PDE4B: variants seen among roughly 807,000 people sequenced by gnomAD.
The protein encoded by PDE4B is phosphodiesterase 4B, also known as 3',5'-cyclic-AMP phosphodiesterase 4B.
PDE4B carries 20 observed loss-of-function variants against 82.2 expected under a neutral mutation model. The observed-to-expected ratio is 0.24, with a 90% CI of 0.17 to 0.35. PDE4B has a LOEUF of 0.35. PDE4B is among the 10% of genes least tolerant of loss of function. The pLI is 1.00. For missense variants in PDE4B, 655 were observed against 907.2 expected (o/e 0.72, Z 3.57); for synonymous variants, 320 against 318.9 (o/e 1.00, Z -0.04).
intron 1 of PDE4B, among the ~76,000 whole-genome samples, chr1:65,801,200 T>C (rs544432637): frequency 6.6e-6 from 1 of 152,254 alleles, no homozygotes; most frequent in East Asian, 1.9e-4. Flanking sequence ...GAGGAATAAA[T>C]CCATAGGCTT....
intron 3 of PDE4B, among the ~76,000 whole-genome samples, chr1:66,053,090 A>G (rs1655125638): frequency 6.6e-6 from 1 of 152,224 alleles, no homozygotes; most frequent in Admixed American, 6.5e-5. Flanking sequence ...TGGCCTGAAT[A>G]TATTCTGCAG....
intron 1 of PDE4B, among the ~76,000 whole-genome samples, chr1:65,860,667 T>C (rs980263493): frequency 6.6e-6 from 1 of 152,186 alleles, no homozygotes; most frequent in Non-Finnish European, 1.5e-5. Flanking sequence ...CCTCCAACAA[T>C]GTAAAAGCTT....
chr1:65,945,174 G>A (rs757631459), intron 3 of PDE4B, among the ~76,000 whole-genome samples: 73 of 151,940 alleles, frequency 4.8e-4, no homozygotes, highest in South Asian at 4.1e-4. Context: ...AAAGTATAGG[G>A]TTCCATGCTA....
chr1:65,809,332 CAAAAAAAAAAAAAAAAA>C lies in PDE4B; in HGVS notation c.-71+16098_-71+16114del, dbSNP rs11366228. ...GGTGACAGAGTGAGACTCCATCTCA[CAAAAAAAAAAAAAAAAA>C]AAAAAAAAAAAAATTGCAAAACGAA... On this transcript the variant is annotated intron_variant, in intron 1 of 16. Transcript: ENST00000341517. Among the ~76,000 whole-genome samples, 4 of 72,516 alleles carry C rather than the reference CAAAAAAAAAAAAAAAAA, an allele frequency of 5.5e-5. No individual in the cohort carries two copies. The South Asian group carries it at 2.6e-3, about 46-fold the overall frequency. 47.6% of individuals were successfully genotyped at this position (72,516 alleles called of 152,430 possible). A position where few individuals can be genotyped will look rare whatever the true frequency, so the allele number is the denominator to read the frequency against.
intron 3 of PDE4B, among the ~76,000 whole-genome samples, chr1:66,079,045 A>G (rs1656582621): frequency 6.6e-6 from 1 of 152,110 alleles, no homozygotes; most frequent in African/African-American, 2.4e-5. Flanking sequence ...TTGCCACCAG[A>G]GAGCCTGCAC....
intron 3 of PDE4B, among the ~76,000 whole-genome samples, chr1:66,181,648 G>T (rs932799023): frequency 2.2e-4 from 33 of 152,032 alleles, no homozygotes; most frequent in African/African-American, 6.5e-4. Flanking sequence ...ATTGACATTG[G>T]TGTTTTCACC....
At chr1:66,155,701 T>C (rs903273379) in intron 3 of PDE4B, among the ~76,000 whole-genome samples, 1 of 152,056 alleles carries the variant, frequency 6.6e-6, no homozygotes, top group African/African-American at 2.4e-5. Context: ...GTACTGGCAA[T>C]ACCATCATGA....
At chr1:65,972,360 G>A (rs1650188838) in intron 3 of PDE4B, among the ~76,000 whole-genome samples, 2 of 148,690 alleles carry the variant, frequency 1.3e-5, no homozygotes, top group Admixed American at 6.7e-5. Flanking sequence ...ATATTTTTTT[G>A]TCAATTGGGA....
intron 8 of PDE4B, among the ~76,000 whole-genome samples, chr1:66,335,926 A>G (rs992146770): frequency 6.6e-6 from 1 of 152,204 alleles, no homozygotes; most frequent in Non-Finnish European, 1.5e-5. Context: ...ATTGTCTTAC[A>G]CTTCAGCAAA....
At chr1:65,942,870 G>A (rs1197197349) in intron 3 of PDE4B, among the ~76,000 whole-genome samples, 5 of 151,398 alleles carry the variant, frequency 3.3e-5, no homozygotes, top group Non-Finnish European at 5.9e-5. Flanking sequence ...TTTAAAATTA[G>A]TATTGAGTTG....
At chr1:66,084,731 A>G (rs1049290894) in intron 3 of PDE4B, among the ~76,000 whole-genome samples, 1 of 152,072 alleles carries the variant, frequency 6.6e-6, no homozygotes, top group Non-Finnish European at 1.5e-5. Flanking sequence ...TTTTTCAGGT[A>G]TGTGATAGTA....
At chr1:66,296,662 G>A (rs528219597) in intron 7 of PDE4B, among the ~76,000 whole-genome samples, 360 of 152,288 alleles carry the variant, frequency 2.4e-3, no homozygotes, top group Non-Finnish European at 4.2e-3. Flanking sequence ...TGAGCTCCAT[G>A]AGGTCAGGAT....
chr1:65,934,798 A>T (rs2100528595), intron 3 of PDE4B, among the ~76,000 whole-genome samples: 1 of 152,338 alleles, frequency 6.6e-6, no homozygotes, highest in South Asian at 2.1e-4. Context: ...TATAATAATG[A>T]AAAGGTCAAT....
chr1:66,049,732 C>T (rs1006388993), intron 3 of PDE4B, among the ~76,000 whole-genome samples: 2 of 151,840 alleles, frequency 1.3e-5, no homozygotes, highest in Non-Finnish European at 2.9e-5. Context: ...TATGGGGCTT[C>T]CTGAATGTAT....
intron 3 of PDE4B, among the ~76,000 whole-genome samples, chr1:66,013,420 A>G (rs1357931650): frequency 6.6e-6 from 1 of 152,136 alleles, no homozygotes. Context: ...ACATTTTCAA[A>G]TCTGGAAGAA....
intron 3 of PDE4B, among the ~76,000 whole-genome samples, chr1:66,134,112 T>A (rs529920722): frequency 1.5e-4 from 23 of 151,914 alleles, no homozygotes; most frequent in Non-Finnish European, 2.2e-4. Context: ...AGATAGAGAT[T>A]ACAGATGAAT....
chr1:66,135,252 A>T (rs1646033330), intron 3 of PDE4B, among the ~76,000 whole-genome samples: 1 of 152,268 alleles, frequency 6.6e-6, no homozygotes, highest in African/African-American at 2.4e-5. Flanking sequence ...GATTACTTTG[A>T]TGAAGAACTC....
At chr1:66,261,085 G>A (rs1481030025) in intron 6 of PDE4B, among the ~76,000 whole-genome samples, 2 of 152,164 alleles carry the variant, frequency 1.3e-5, no homozygotes, top group Non-Finnish European at 2.9e-5. Context: ...TTCACCAAAG[G>A]GAGTTGAGAG....
At chr1:65,897,949 C>T (rs927096570) in intron 1 of PDE4B, among the ~76,000 whole-genome samples, 1 of 152,090 alleles carries the variant, frequency 6.6e-6, no homozygotes. Context: ...ACATTCCCAC[C>T]AACAGTGTAT....
Sources: allele counts gnomAD v4.1 joint callset (sites outside exome capture counted in the v4.1 genomes callset), GRCh38; gene constraint gnomAD v4.1.1; transcripts MANE v1.5; gene names NCBI Gene and HGNC (gene_info 2026-07-23, HGNC 2026-07-21).